SPART: variants seen among roughly 807,000 people sequenced by gnomAD.
SPART encodes the protein spastic paraplegia 20 (Troyer syndrome).
In SPART, 35 loss-of-function variants were observed where a neutral mutation model predicts 58.7. The ratio of observed to expected loss-of-function variants is 0.60; its 90% confidence interval spans 0.46 to 0.79. The LOEUF (loss-of-function observed/expected upper bound fraction) is 0.79. Ranked by LOEUF, SPART falls within the 30% of genes least tolerant of loss-of-function variation. The probability of loss-of-function intolerance (pLI) is 0.00; values close to 1 mark genes in which losing one functional copy is unlikely to be tolerated. For missense variants in SPART, 730 were observed against 786.1 expected, an observed-to-expected ratio of 0.93 and a Z score of 0.85; for synonymous variants, 284 against 280.7, an observed-to-expected ratio of 1.01 and a Z score of -0.12.
chr13:36,312,189 G>A lies in SPART; in HGVS notation c.1689C>T (p.Ile563=), dbSNP rs201030352. 335 of 1,614,068 alleles carry A rather than the reference G, an allele frequency of 2.1e-4. 4 individuals carry two copies. Among genetic ancestry groups the A allele is most frequent in the South Asian group, 1.6e-3 (148 of 91,074 alleles). ...WQGLECAAKC[I]VNNVSAETVQ... ...CAGTTTCTGCTGAAACATTGTTAACGATGCATTTAGCTGCACATTCCAATC... is the reference window on the plus strand; with the variant it reads ...CAGTTTCTGCTGAAACATTGTTAACAATGCATTTAGCTGCACATTCCAATC... The change falls in exon 8 of 9, where the codon ATC becomes ATT. Residue 563 remains isoleucine, a synonymous_variant. Coordinates refer to ENST00000438666, the MANE Select transcript of SPART (RefSeq NM_015087.5).
intron 5 of SPART, among the ~76,000 whole-genome samples, chr13:36,325,358 T>G (rs566649939): frequency 6.6e-6 from 1 of 152,354 alleles, no homozygotes; most frequent in East Asian, 1.9e-4. Context: ...CTATCTTTTT[T>G]TCTTGTCTCA....
In SPART at chr13:36,353,358, A is replaced by G. The variant is rs117730529; in HGVS notation, c.-3+16731T>C. Among the ~76,000 whole-genome samples the G allele has an allele frequency of 3.1e-3, 473 of 152,308 alleles. 2 individuals are homozygous for G. Among genetic ancestry groups the G allele is most frequent in the Non-Finnish European group, 4.9e-3 (334 of 68,026 alleles). ...GGGGAGACCCTTGGACATTTTGAAG[A>G]AGGCATTAGATTTTCTATGAGAGGT... On this transcript the variant is annotated intron_variant, in intron 1 of 8. Transcript: ENST00000355182.
Position 36,314,289 on chromosome 13 carries a change from G to T in SPART, c.1421C>A (p.Thr474Asn), listed in dbSNP as rs760212570. 1 of 1,614,096 alleles carries T rather than the reference G, an allele frequency of 6.2e-7. No individual in the cohort carries two copies. The highest frequency in any genetic ancestry group is 8.5e-7 in the Non-Finnish European group (1 of 1,180,018). The change falls in exon 6 of 9, where the codon ACC becomes AAC. Residue 474 changes from threonine to asparagine, a missense_variant. Transcript: ENST00000438666. The stretch of plus-strand genomic sequence containing the variant: ...TTGCTTCGCTATATAAAGTCCCTTG[G>T]TGACAGCTGGACTAACTTCCACGGG... ...EKPVEVSPAVTKGLYIAKQAT... is the reference protein window; with the variant it reads ...EKPVEVSPAVNKGLYIAKQAT...
chr13:36,366,763 C>T (rs983577710), intron 1 of SPART, among the ~76,000 whole-genome samples: 2 of 150,258 alleles, frequency 1.3e-5, no homozygotes, highest in Non-Finnish European at 2.9e-5. Context: ...ACTCTCCACT[C>T]CTTAAAACCA....
At chr13:36,310,363 T>A (rs747675941) in intron 8 of SPART, among the ~76,000 whole-genome samples, 16 of 152,090 alleles carry the variant, frequency 1.1e-4, no homozygotes, top group Non-Finnish European at 1.8e-4. Flanking sequence ...CTAGATTTAT[T>A]TTTTAGACCT....
intron 1 of SPART, among the ~76,000 whole-genome samples, chr13:36,352,946 C>G (rs1885477023): frequency 6.6e-6 from 1 of 152,000 alleles, no homozygotes; most frequent in South Asian, 2.1e-4. Context: ...AGTGACAGAA[C>G]CAGAACCTGT....
chr13:36,311,863 A>G (rs1881144558), intron 8 of SPART, among the ~76,000 whole-genome samples: 1 of 151,918 alleles, frequency 6.6e-6, no homozygotes, highest in South Asian at 2.1e-4. Flanking sequence ...TGAGGCAGGC[A>G]GATCACCTGA....
At chr13:36,323,443 A>C (rs1882616883) in intron 5 of SPART, among the ~76,000 whole-genome samples, 1 of 151,672 alleles carries the variant, frequency 6.6e-6, no homozygotes, top group East Asian at 1.9e-4. Context: ...ATACAGGTAA[A>C]CTTTCAGCAT....
intron 1 of SPART, among the ~76,000 whole-genome samples, chr13:36,354,243 A>G: frequency 6.6e-6 from 1 of 152,186 alleles, no homozygotes; most frequent in East Asian, 1.9e-4. Flanking sequence ...ATGTTCTACC[A>G]TGAGCATCCC....
In SPART at chr13:36,304,377, C is replaced by T. The variant is rs201644972; in HGVS notation, c.1989G>A (p.Lys663=). Residue 663 remains lysine, a synonymous_variant, in exon 9 of 9, where the codon AAG becomes AAA. Coordinates refer to ENST00000438666, the MANE Select transcript of SPART (RefSeq NM_015087.5). ...TCCCAGCACTTCATCATTTATCTTT[C>T]TTCTTTGCCTCCTTTACTTCCTTCG... ...EQTKEVKEAK[K]KDK 92 of 1,613,944 alleles carry T rather than the reference C, an allele frequency of 5.7e-5. No homozygotes were observed. The highest frequency in any genetic ancestry group is 3.3e-5 in the Admixed American group (2 of 60,004).
chr13:36,306,470 A>G (rs1033530826), intron 8 of SPART, among the ~76,000 whole-genome samples: 4 of 152,216 alleles, frequency 2.6e-5, no homozygotes, highest in Non-Finnish European at 5.9e-5. Flanking sequence ...AAGTGACACC[A>G]TAACTCAACA....
chr13:36,335,067 T>C lies in SPART; in HGVS notation c.764A>G (p.Asp255Gly). ...PGYLRIVRFL[D>G]NSLDTVLNRP... ...GTTTAGAACCGTATCGAGAGAATTA[T>C]CCAAAAACCTCACAATTCGAAGGTA... The change falls in exon 2 of 9, where the codon GAT becomes GGT. Residue 255 changes from aspartate (D) to glycine (G), a missense_variant. By Grantham distance (94) the Asp-to-Gly change is moderately conservative. Coordinates refer to ENST00000438666, the MANE Select transcript of SPART (RefSeq NM_015087.5). 1 of 1,614,116 alleles carries C rather than the reference T, an allele frequency of 6.2e-7. No individual in the cohort carries two copies. The highest frequency in any genetic ancestry group is 8.5e-7 in the Non-Finnish European group (1 of 1,180,018).
chr13:36,314,131 G>T (rs1412625802), intron 6 of SPART, 96 bp downstream of exon 6: 4 of 1,256,652 alleles, frequency 3.2e-6, no homozygotes, highest in East Asian at 5.0e-5. Context: ...TTATTCTTGA[G>T]ATTAAACCAT....
chr13:36,350,100 T>C (rs1047540672), upstream of SPART, among the ~76,000 whole-genome samples: 3 of 152,202 alleles, frequency 2.0e-5, no homozygotes, highest in African/African-American at 7.2e-5. Context: ...TATATCTTAT[T>C]GAGGTAAAAC....
chr13:36,321,998 C>G (rs139385825), intron 5 of SPART, among the ~76,000 whole-genome samples: 1 of 152,066 alleles, frequency 6.6e-6, no homozygotes, highest in Non-Finnish European at 1.5e-5. Flanking sequence ...GACCCCCACT[C>G]CTGCCCGCCA....
intron 5 of SPART, among the ~76,000 whole-genome samples, chr13:36,324,617 C>G (rs977009207): frequency 6.6e-6 from 1 of 152,138 alleles, no homozygotes; most frequent in Non-Finnish European, 1.5e-5. Context: ...TTGTTTTGTG[C>G]CTTTGGGTTT....
chr13:36,326,387 AT>A, intron 5 of SPART, 187 bp downstream of exon 5: 1 of 657,668 alleles, frequency 1.5e-6, no homozygotes, highest in South Asian at 2.0e-5. Context: ...GCCAGGAAGA[AT>A]TTATACTTAT....
At chr13:36,366,187 G>A (rs565437994) in intron 1 of SPART, among the ~76,000 whole-genome samples, 5 of 152,246 alleles carry the variant, frequency 3.3e-5, no homozygotes, top group East Asian at 1.9e-4. Context: ...CCTACTCAGC[G>A]CCGCCTCTCT....
intron 5 of SPART, among the ~76,000 whole-genome samples, chr13:36,315,955 T>A (rs1304048459): frequency 6.6e-6 from 1 of 152,130 alleles, no homozygotes; most frequent in Non-Finnish European, 1.5e-5. Flanking sequence ...TAATCACATA[T>A]CACCATGGAA....
Sources: allele counts gnomAD v4.1 joint callset (sites outside exome capture counted in the v4.1 genomes callset), GRCh38; gene constraint gnomAD v4.1.1; transcripts MANE v1.5; gene names NCBI Gene and HGNC (gene_info 2026-07-23, HGNC 2026-07-21).